Variants in CNTN3 observed in about 807,000 individuals in gnomAD.
CNTN3 encodes contactin 3.
A neutral mutation model predicts 119.1 loss-of-function variants in CNTN3; 60 were observed. That is an observed-to-expected ratio of 0.50 (90% CI 0.41 to 0.62). CNTN3 has a LOEUF of 0.62. Ranked by LOEUF, CNTN3 falls within the 20% of genes least tolerant of loss-of-function variation. The pLI, the probability that CNTN3 is intolerant of heterozygous loss-of-function variation, is 0.00. For synonymous variants in CNTN3, 450 were observed against 438.7 expected, an observed-to-expected ratio of 1.03 and a Z score of -0.32; for missense variants, 1,101 against 1,242.4, an observed-to-expected ratio of 0.89 and a Z score of 1.71.
intron 3 of CNTN3, among the ~76,000 whole-genome samples, chr3:74,498,170 A>T (rs1185591610): frequency 6.6e-6 from 1 of 151,838 alleles, no homozygotes; most frequent in African/African-American, 2.4e-5. Context: ...CTGCTTTATC[A>T]TATTTACAGC....
intron 14 of CNTN3, among the ~76,000 whole-genome samples, chr3:74,302,121 A>G (rs946936346): frequency 6.6e-6 from 1 of 152,130 alleles, no homozygotes; most frequent in Non-Finnish European, 1.5e-5. Context: ...TCTAAATTCA[A>G]TGTCCTCTGC....
At chr3:74,366,780 G>GTGTATATATATATATA (rs1447686332) in intron 8 of CNTN3, among the ~76,000 whole-genome samples, 992 of 63,602 alleles carry the variant, frequency 0.016, 29 homozygotes, top group Middle Eastern at 0.039. Context: ...GTGTGTGTGT[G>GTGTATATATATATATA]TATATATATA....
chr3:74,385,055 A>G (rs941081504), intron 5 of CNTN3, among the ~76,000 whole-genome samples: 1 of 152,150 alleles, frequency 6.6e-6, no homozygotes, highest in Non-Finnish European at 1.5e-5. Flanking sequence ...GCAACCTCAT[A>G]GCTATATTTT....
intron 5 of CNTN3, among the ~76,000 whole-genome samples, chr3:74,414,732 G>GT (rs757787231): frequency 6.6e-5 from 10 of 152,090 alleles, no homozygotes; most frequent in Non-Finnish European, 1.3e-4. Flanking sequence ...ACATTGTCAG[G>GT]TTTCTTTGTA....
chr3:74,501,791 G>A (rs201329670), intron 2 of CNTN3, among the ~76,000 whole-genome samples: 33 of 147,206 alleles, frequency 2.2e-4, no homozygotes, highest in Non-Finnish European at 2.5e-4. Context: ...ATTGCCAAAG[G>A]AAAAAAAAAA....
intron 8 of CNTN3, among the ~76,000 whole-genome samples, chr3:74,366,808 A>ATC (rs1553650589): frequency 7.8e-6 from 1 of 128,014 alleles, no homozygotes; most frequent in Admixed American, 8.1e-5. Context: ...ATATATATAT[A>ATC]ACTTGCTCAG....
chr3:74,427,477 G>C (rs1439292890), intron 4 of CNTN3, among the ~76,000 whole-genome samples: 1 of 152,178 alleles, frequency 6.6e-6, no homozygotes, highest in Admixed American at 6.5e-5. Context: ...GGAACTATGA[G>C]AAAAGAGTAG....
At chr3:74,375,273 G>C (rs1704451147) in intron 5 of CNTN3, among the ~76,000 whole-genome samples, 1 of 152,054 alleles carries the variant, frequency 6.6e-6, no homozygotes, top group African/African-American at 2.4e-5. Context: ...AGCCACTCTG[G>C]GGCTGGAAAA....
intron 13 of CNTN3, among the ~76,000 whole-genome samples, chr3:74,321,923 C>T (rs941582353): frequency 1.3e-5 from 2 of 152,030 alleles, no homozygotes; most frequent in South Asian, 4.2e-4. Context: ...CAGAAAGCAC[C>T]AGGTCCAGAT....
chr3:74,279,452 A>C (rs1014565632), intron 20 of CNTN3, among the ~76,000 whole-genome samples: 2 of 152,132 alleles, frequency 1.3e-5, no homozygotes, highest in African/African-American at 4.8e-5. Context: ...ATGGAATATT[A>C]CCCAGCTATA....
intron 1 of CNTN3, among the ~76,000 whole-genome samples, chr3:74,542,707 A>G (rs1703858735): frequency 1.3e-5 from 2 of 152,236 alleles, no homozygotes; most frequent in African/African-American, 2.4e-5. Flanking sequence ...AAATTTGTCA[A>G]TCATATATAT....
At chr3:74,292,414 A>C (rs1342779663) in intron 19 of CNTN3, among the ~76,000 whole-genome samples, 1 of 152,048 alleles carries the variant, frequency 6.6e-6, no homozygotes, top group Non-Finnish European at 1.5e-5. Context: ...AAAAATACAA[A>C]AGTTAGCTGG....
intron 20 of CNTN3, among the ~76,000 whole-genome samples, chr3:74,282,677 C>G (rs972975210): frequency 6.6e-6 from 1 of 151,734 alleles, no homozygotes; most frequent in Non-Finnish European, 1.5e-5. Flanking sequence ...ATCACAAGAG[C>G]CTTACCAAAA....
At chr3:74,310,909 T>C (rs1365804167) in intron 13 of CNTN3, among the ~76,000 whole-genome samples, 1 of 152,136 alleles carries the variant, frequency 6.6e-6, no homozygotes, top group Non-Finnish European at 1.5e-5. Context: ...AGCTGACCTA[T>C]ATGGACCAAA....
intron 13 of CNTN3, among the ~76,000 whole-genome samples, chr3:74,320,671 CA>C (rs1702964621): frequency 6.6e-6 from 1 of 151,922 alleles, no homozygotes; most frequent in African/African-American, 2.4e-5. Context: ...AAAAAGTAAA[CA>C]AAAACAACAA....
chr3:74,285,237 T>G (rs995736518), intron 20 of CNTN3, 68 bp downstream of exon 20: 1 of 1,453,918 alleles, frequency 6.9e-7, no homozygotes, highest in East Asian at 2.3e-5. Context: ...TTTCAAATAA[T>G]AGAGAAGGCT....
chr3:74,387,776 T>G (rs1704788424), intron 5 of CNTN3, among the ~76,000 whole-genome samples: 2 of 152,218 alleles, frequency 1.3e-5, no homozygotes, highest in South Asian at 4.1e-4. Flanking sequence ...CAGCTGTTCA[T>G]TAAATGCTCA....
At chr3:74,276,537 T>C (rs1701883450) in intron 20 of CNTN3, among the ~76,000 whole-genome samples, 2 of 151,804 alleles carry the variant, frequency 1.3e-5, no homozygotes, top group Admixed American at 6.6e-5. Context: ...TGAGTGATCA[T>C]TGAGTCAAAA....
At chr3:74,431,459 C>T (rs1288254174) in intron 4 of CNTN3, among the ~76,000 whole-genome samples, 6 of 152,106 alleles carry the variant, frequency 3.9e-5, no homozygotes, top group Non-Finnish European at 7.4e-5. Flanking sequence ...CTACCATTTC[C>T]CAACAAGTAA....
Sources: allele counts gnomAD v4.1 joint callset (sites outside exome capture counted in the v4.1 genomes callset), GRCh38; gene constraint gnomAD v4.1.1; transcripts MANE v1.5; gene names NCBI Gene and HGNC (gene_info 2026-07-23, HGNC 2026-07-21).